The following TRABD2A variants were observed in gnomAD, a reference collection of about 807,000 sequenced individuals.
The protein encoded by TRABD2A is TraB domain containing 2A, also known as metalloprotease TIKI1.
Under a neutral mutation model 45.6 loss-of-function variants are expected in TRABD2A, and 43 were observed. The observed-to-expected ratio is 0.94, with a 90% CI of 0.74 to 1.22. The LOEUF (loss-of-function observed/expected upper bound fraction) is 1.22, where lower values mean the gene tolerates loss of function less well. Ranked by LOEUF, TRABD2A falls within the 50% of genes most tolerant of loss-of-function variation. The pLI, the probability that TRABD2A is intolerant of heterozygous loss-of-function variation, is 0.00. For missense variants in TRABD2A, 642 were observed against 652.4 expected, an observed-to-expected ratio of 0.98 and a Z score of 0.17; for synonymous variants, 269 against 265.0, an observed-to-expected ratio of 1.02 and a Z score of -0.15.
At chr2:84,841,825 T>G in intron 3 of TRABD2A, 36 bp downstream of exon 3, 1 of 1,468,586 alleles carries the variant, frequency 6.8e-7, no homozygotes, top group South Asian at 1.4e-5. Flanking sequence ...TATAATTAAA[T>G]GTGTGCTGAG....
At chr2:84,872,489 G>T (rs530945250) in intron 1 of TRABD2A, among the ~76,000 whole-genome samples, 2 of 151,848 alleles carry the variant, frequency 1.3e-5, no homozygotes, top group South Asian at 4.2e-4. Context: ...AACAGAATGA[G>T]ACTTTGTCTC....
intron 1 of TRABD2A, among the ~76,000 whole-genome samples, chr2:84,878,649 T>A (rs1480562869): frequency 6.6e-6 from 1 of 152,050 alleles, no homozygotes; most frequent in Non-Finnish European, 1.5e-5. Flanking sequence ...GGGGCCAATT[T>A]GGGCTCAGAA....
chr2:84,866,408 G>A (rs1006563436), intron 2 of TRABD2A, among the ~76,000 whole-genome samples: 1 of 152,124 alleles, frequency 6.6e-6, no homozygotes, highest in Non-Finnish European at 1.5e-5. Flanking sequence ...CTGCAAGTCG[G>A]ATTCAGCCCA....
chr2:84,870,858 G>A, intron 1 of TRABD2A, 73 bp from the exon 2 acceptor site: 1 of 1,344,756 alleles, frequency 7.4e-7, no homozygotes, highest in South Asian at 1.5e-5. Flanking sequence ...GAGAGGAAAT[G>A]AATCAGTCAC....
At chr2:84,824,359 T>A (rs1301621655) in intron 5 of TRABD2A, among the ~76,000 whole-genome samples, 155 bp from the exon 6 acceptor site, 2 of 152,106 alleles carry the variant, frequency 1.3e-5, no homozygotes, top group African/African-American at 2.4e-5. Flanking sequence ...TTCTTGAAAT[T>A]ACCTTGGGAA....
At chr2:84,838,584 G>C (rs1681596695) in intron 4 of TRABD2A, among the ~76,000 whole-genome samples, 1 of 152,172 alleles carries the variant, frequency 6.6e-6, no homozygotes, top group Non-Finnish European at 1.5e-5. Context: ...TGATCTTTCT[G>C]CATACTGTCC....
At chr2:84,842,358 A>T (rs1463969479) in intron 2 of TRABD2A, among the ~76,000 whole-genome samples, 1 of 152,200 alleles carries the variant, frequency 6.6e-6, no homozygotes, top group Non-Finnish European at 1.5e-5. Flanking sequence ...ACTCACAGAC[A>T]CACCTACCAG....
intron 2 of TRABD2A, among the ~76,000 whole-genome samples, chr2:84,843,130 C>G (rs1034903846): frequency 3.3e-5 from 5 of 151,922 alleles, no homozygotes; most frequent in Admixed American, 2.0e-4. Flanking sequence ...GTGGAATTTT[C>G]TCTCTCACTT....
chr2:84,827,243 C>A (rs1053062491), intron 5 of TRABD2A, among the ~76,000 whole-genome samples: 1 of 152,204 alleles, frequency 6.6e-6, no homozygotes. Context: ...TTATTTGCCC[C>A]CTACCTGCAT....
chr2:84,844,585 G>T (rs1031137832), intron 2 of TRABD2A, among the ~76,000 whole-genome samples: 2 of 152,160 alleles, frequency 1.3e-5, no homozygotes, highest in African/African-American at 4.8e-5. Context: ...TGATCTAAAT[G>T]AGACAACTCA....
chr2:84,825,337 G>T (rs1341169773), intron 5 of TRABD2A, among the ~76,000 whole-genome samples: 1 of 152,200 alleles, frequency 6.6e-6, no homozygotes, highest in Non-Finnish European at 1.5e-5. Flanking sequence ...ATGGCCGTGT[G>T]TGAGGAAGGG....
chr2:84,857,383 A>G (rs1469149306), intron 2 of TRABD2A, among the ~76,000 whole-genome samples: 2 of 152,216 alleles, frequency 1.3e-5, no homozygotes, highest in African/African-American at 4.8e-5. Context: ...GTGACAAGAC[A>G]ACCCAGCTTC....
At chr2:84,867,549 C>A (rs180869801) in intron 2 of TRABD2A, among the ~76,000 whole-genome samples, 3,913 of 152,204 alleles carry the variant, frequency 0.026, 82 homozygotes, top group South Asian at 0.057. Context: ...ACTAAAACAC[C>A]AAAAGCAATG....
chr2:84,839,079 C>T, intron 4 of TRABD2A, 70 bp downstream of exon 4: 1 of 1,564,444 alleles, frequency 6.4e-7, no homozygotes, highest in East Asian at 2.2e-5. Flanking sequence ...AGCAGGGGCT[C>T]ACCTCAACAT....
chr2:84,877,178 C>A (rs932165385), intron 1 of TRABD2A, among the ~76,000 whole-genome samples: 2 of 151,990 alleles, frequency 1.3e-5, no homozygotes, highest in Non-Finnish European at 2.9e-5. Context: ...CTTCAGGACT[C>A]TTCTTTACCT....
chr2:84,855,900 C>T (rs543636804), intron 2 of TRABD2A, among the ~76,000 whole-genome samples: 1 of 152,208 alleles, frequency 6.6e-6, no homozygotes, highest in South Asian at 2.1e-4. Flanking sequence ...GGCCCCCCAG[C>T]GAGTCTCTCC....
At chr2:84,853,432 C>T (rs1263649844) in intron 2 of TRABD2A, among the ~76,000 whole-genome samples, 1 of 152,006 alleles carries the variant, frequency 6.6e-6, no homozygotes, top group Non-Finnish European at 1.5e-5. Context: ...GGGGAAAAGC[C>T]CCTTATGAAA....
chr2:84,868,521 T>C (rs1273404596), intron 2 of TRABD2A, among the ~76,000 whole-genome samples: 2 of 151,990 alleles, frequency 1.3e-5, no homozygotes, highest in Non-Finnish European at 2.9e-5. Flanking sequence ...AATTAGTTAA[T>C]TAGTTAACTA....
intron 2 of TRABD2A, among the ~76,000 whole-genome samples, chr2:84,855,842 G>A (rs1682281391): frequency 1.3e-5 from 2 of 152,246 alleles, no homozygotes; most frequent in South Asian, 4.1e-4. Context: ...TTGAGGGGGT[G>A]GGTGAGGGGG....
Sources: gnomAD v4.1 joint callset for allele counts (sites outside exome capture counted in the v4.1 genomes callset) on GRCh38, gnomAD v4.1.1 for gene constraint, MANE v1.5 for transcripts, NCBI Gene and HGNC (gene_info 2026-07-23, HGNC 2026-07-21) for gene names.